HIPK2: variants seen among roughly 807,000 people sequenced by gnomAD.
HIPK2 encodes homeodomain interacting protein kinase 2.
In HIPK2, 27 loss-of-function variants were observed where a neutral mutation model predicts 113.7. The observed-to-expected ratio is 0.24, with a 90% CI of 0.17 to 0.33. The LOEUF (loss-of-function observed/expected upper bound fraction) is 0.33, where lower values mean the gene tolerates loss of function less well. Ranked by LOEUF, HIPK2 falls within the 10% of genes least tolerant of loss-of-function variation. HIPK2 has a pLI of 1.00. For synonymous variants in HIPK2, 631 were observed against 642.2 expected, an observed-to-expected ratio of 0.98 and a Z score of 0.26; for missense variants, 1,257 against 1,588.0, an observed-to-expected ratio of 0.79 and a Z score of 3.54.
rs148947846 is a variant in HIPK2, at chr7:139,630,081, C to T, written c.1348-1042G>A. On this transcript the variant is annotated intron_variant, in intron 4 of 14. Coordinates refer to ENST00000406875, the MANE Select transcript of HIPK2 (RefSeq NM_022740.5). The surrounding 1 kb of genome is among the most constrained non-coding windows in gnomAD (Gnocchi z 4.0). ...AAACAACAACAAAACAAACACCCAC[C>T]CACCCTGCTGCAAAAAAAGAAATAC... 1.3e-5 allele frequency among the ~76,000 whole-genome samples: 2 copies of T among 152,052 alleles called. No homozygotes were observed. The highest frequency in any genetic ancestry group is 1.3e-4 in the Admixed American group (2 of 15,274).
At chr7:139,599,563 A>T (rs772464628) in intron 11 of HIPK2, among the ~76,000 whole-genome samples, 9 of 152,206 alleles carry the variant, frequency 5.9e-5, no homozygotes, top group African/African-American at 1.2e-4. Flanking sequence ...AATGGGAAAG[A>T]TTTGTGTTCT....
rs188184591 is a variant in HIPK2, at chr7:139,762,714, C to T, written c.19+14891G>A. Among the ~76,000 whole-genome samples the T allele has an allele frequency of 1.1e-3, 166 of 152,312 alleles. 1 individual carries two copies. The highest frequency in any genetic ancestry group is 3.6e-3 in the African/African-American group (151 of 41,562). On this transcript the variant is annotated intron_variant, in intron 1 of 14. Transcript: ENST00000406875. ...TCTGTATGAACAAAAGCATGTTGTA[C>T]AATCATTCACTGATTTGCCAAGTTT...
chr7:139,689,005 A>C (rs1794318118), intron 2 of HIPK2, among the ~76,000 whole-genome samples: 1 of 152,240 alleles, frequency 6.6e-6, no homozygotes, highest in African/African-American at 2.4e-5. Flanking sequence ...GTCAAACCTG[A>C]ATATTAACAA....
rs1204717267 is a variant in HIPK2, at chr7:139,578,017, A to AT, written c.2966-2730dup. On this transcript the variant is annotated intron_variant, in intron 13 of 14. Transcript: ENST00000406875. ...AGGCATGCACCACCACGCCCAGCTA[A>AT]TTTTTTTTTTGAGACAGAGTCTCGC... Among the ~76,000 whole-genome samples, 27 of 147,496 alleles carry AT rather than the reference A, an allele frequency of 1.8e-4. 1 individual carries two copies. Among genetic ancestry groups the AT allele is most frequent in the Admixed American group, 6.7e-4 (10 of 14,912 alleles).
intron 9 of HIPK2, among the ~76,000 whole-genome samples, chr7:139,610,887 G>T (rs912223546): frequency 6.6e-6 from 1 of 152,190 alleles, no homozygotes; most frequent in African/African-American, 2.4e-5. Flanking sequence ...TTTAGAAATG[G>T]ATACCACATG....
intron 2 of HIPK2, among the ~76,000 whole-genome samples, chr7:139,695,847 A>G (rs1432403351): frequency 3.3e-5 from 5 of 152,180 alleles, no homozygotes; most frequent in African/African-American, 9.7e-5. Flanking sequence ...GATCAGAGTG[A>G]TTTCTGTCTA....
intron 1 of HIPK2, among the ~76,000 whole-genome samples, chr7:139,773,729 T>C (rs1796692373): frequency 2.0e-5 from 3 of 152,284 alleles, no homozygotes; most frequent in South Asian, 2.1e-4. Context: ...GTTTAATGCA[T>C]GGTGAGGCAG....
At chr7:139,768,747 G>A (rs1796595320) in intron 1 of HIPK2, among the ~76,000 whole-genome samples, 1 of 152,162 alleles carries the variant, frequency 6.6e-6, no homozygotes, top group South Asian at 2.1e-4. Context: ...GAAAAAGGAA[G>A]TGGCTCTGAC....
rs6956628 is a variant in HIPK2 at position 139,571,126 on chromosome 7, A to G, written c.*1801T>C. 10,052 of 152,366 alleles carry G rather than the reference A, an allele frequency of 0.066. 1,083 individuals carry two copies. Among genetic ancestry groups the G allele is most frequent in the African/African-American group, 0.23 (9,360 of 41,526 alleles). The allele number at this position is 152,366 out of a possible 1,614,324, so 9.4% of individuals were successfully genotyped here. On this transcript the variant is annotated 3_prime_UTR_variant, in exon 15 of 15. Coordinates refer to ENST00000406875, the MANE Select transcript of HIPK2 (RefSeq NM_022740.5). ...CAACCTTCTGCCCACTAGAACCCTC[A>G]GAAACCAAAACCAAAATCATGTCTT...
intron 10 of HIPK2, among the ~76,000 whole-genome samples, chr7:139,602,917 G>A (rs1205308198): frequency 1.3e-5 from 2 of 152,210 alleles, no homozygotes; most frequent in Non-Finnish European, 2.9e-5. Context: ...ACTTGCCCCA[G>A]GTCATGCAGA....
In HIPK2 at chr7:139,761,939, C is replaced by CAGAGAG. The variant is rs137949324; in HGVS notation, c.19+15660_19+15665dup. On this transcript the variant is annotated intron_variant, in intron 1 of 14. Transcript: ENST00000406875. The stretch of plus-strand genomic sequence containing the variant: ...AACAGTGGTCATTTCTGGACAGAGA[C>CAGAGAG]AGAGAGAGAGAGAGAGAGAGACTAA... Among the ~76,000 whole-genome samples, 5 of 148,768 alleles carry CAGAGAG rather than the reference C, an allele frequency of 3.4e-5. 1 individual carries two copies. Among genetic ancestry groups the CAGAGAG allele is most frequent in the Admixed American group, 2.0e-4 (3 of 14,904 alleles).
intron 12 of HIPK2, among the ~76,000 whole-genome samples, chr7:139,587,696 C>G (rs1030551416): frequency 6.6e-6 from 1 of 151,720 alleles, no homozygotes; most frequent in Admixed American, 6.6e-5. Flanking sequence ...CTGGGCAACA[C>G]AGTGAGATCC....
intron 2 of HIPK2, among the ~76,000 whole-genome samples, chr7:139,687,728 C>T (rs924604052): frequency 8.5e-5 from 13 of 152,154 alleles, no homozygotes; most frequent in African/African-American, 3.1e-4. Context: ...TCCTGGATTC[C>T]TAAACTTGCA....
At chr7:139,677,955 T>C (rs1802561998) in intron 2 of HIPK2, among the ~76,000 whole-genome samples, 1 of 152,262 alleles carries the variant, frequency 6.6e-6, no homozygotes, top group African/African-American at 2.4e-5. Context: ...TTGATTTGCA[T>C]TTCTCTGATG....
chr7:139,583,692 G>A, intron 13 of HIPK2, 125 bp downstream of exon 13: 2 of 1,385,450 alleles, frequency 1.4e-6, no homozygotes, highest in Non-Finnish European at 9.8e-7. Flanking sequence ...CTCGGTAAGG[G>A]TCGCCTGCAG....
chr7:139,651,840 C>A (rs187497077), intron 2 of HIPK2, among the ~76,000 whole-genome samples: 21 of 152,234 alleles, frequency 1.4e-4, no homozygotes, highest in Admixed American at 1.1e-3. Flanking sequence ...GAGGAGAGAT[C>A]CGATGTTATG....
chr7:139,743,527 T>C (rs1171121543), intron 1 of HIPK2, among the ~76,000 whole-genome samples: 3 of 152,186 alleles, frequency 2.0e-5, no homozygotes, highest in East Asian at 1.9e-4. Context: ...CAGGTGTCCA[T>C]AGCACAGGAC....
intron 2 of HIPK2, among the ~76,000 whole-genome samples, chr7:139,641,533 G>A (rs909566795): frequency 1.3e-5 from 2 of 152,154 alleles, no homozygotes; most frequent in Admixed American, 6.6e-5. Flanking sequence ...ACAGCCATGC[G>A]CTTGGGCTGC....
chr7:139,609,234 A>C (rs963754477), intron 9 of HIPK2, among the ~76,000 whole-genome samples: 2 of 152,190 alleles, frequency 1.3e-5, no homozygotes, highest in Non-Finnish European at 2.9e-5. Flanking sequence ...CCTTTTAGGC[A>C]GTACCAAAAA....
Sources: gnomAD v4.1 joint callset for allele counts (sites outside exome capture counted in the v4.1 genomes callset) on GRCh38, gnomAD v4.1.1 for gene constraint, Gnocchi (gnomAD v3.1) non-coding constraint, MANE v1.5 for transcripts, NCBI Gene and HGNC (gene_info 2026-07-23, HGNC 2026-07-21) for gene names.